Variants in DHX37 observed in about 807,000 individuals in gnomAD.
DHX37 encodes probable ATP-dependent RNA helicase DHX37.
A neutral mutation model predicts 134.3 loss-of-function variants in DHX37; 52 were observed. The ratio of observed to expected loss-of-function variants is 0.39; its 90% CI spans 0.31 to 0.49. DHX37 has a LOEUF of 0.49. DHX37 is among the 20% of genes least tolerant of loss of function. DHX37 has a pLI of 0.93. For missense variants in DHX37, 1,344 were observed against 1,580.8 expected (o/e 0.85, Z 2.54); for synonymous variants, 634 against 670.7 (o/e 0.95, Z 0.85).
At chr12:124,967,877 C>T (rs1019648058) in intron 10 of DHX37, among the ~76,000 whole-genome samples, 4 of 151,868 alleles carry the variant, frequency 2.6e-5, no homozygotes, top group Admixed American at 2.0e-4. Context: ...GAGACCAGCC[C>T]GGCCAACATG....
chr12:124,972,749 C>T (rs1954546822), intron 6 of DHX37, 150 bp from the exon 7 acceptor site: 1 of 681,160 alleles, frequency 1.5e-6, no homozygotes, highest in Non-Finnish European at 2.5e-6. Flanking sequence ...TCTCCCCAGT[C>T]CACTCTCCCC....
chr12:124,977,526 A>G (rs1954671725), intron 4 of DHX37, 36 bp from the exon 5 acceptor site: 1 of 1,566,722 alleles, frequency 6.4e-7, no homozygotes, highest in Non-Finnish European at 8.6e-7. Flanking sequence ...AGGGAGCAGC[A>G]AGACTATAGA....
intron 10 of DHX37, among the ~76,000 whole-genome samples, chr12:124,967,701 G>A (rs1454177144): frequency 6.6e-6 from 1 of 152,170 alleles, no homozygotes; most frequent in Non-Finnish European, 1.5e-5. Context: ...CAAGCTTGTT[G>A]GGAAGCACCC....
chr12:124,974,146 G>A (rs184392624), intron 6 of DHX37, among the ~76,000 whole-genome samples: 131 of 147,988 alleles, frequency 8.9e-4, no homozygotes, highest in African/African-American at 3.1e-3. Context: ...TCAAGAGATG[G>A]GGTTTCACCG....
At chr12:124,978,141 A>C (rs926727084) in intron 4 of DHX37, among the ~76,000 whole-genome samples, 1 of 151,448 alleles carries the variant, frequency 6.6e-6, no homozygotes, top group African/African-American at 2.4e-5. Context: ...TTGTATTTTT[A>C]GTGGAAATGT....
Position 124,947,479 on chromosome 12 carries a change from A to C in DHX37, c.*323T>G. ...GCAGGGCGGGCGGGGAAGGGACTGC[A>C]GAGATCTCCAGCCCTGCTGCTCCAC... On this transcript the variant is annotated 3_prime_UTR_variant, in exon 27 of 27. Transcript: ENST00000308736. 1.2e-5 allele frequency: 3 copies of C among 243,460 alleles called. No individual in the cohort carries two copies. Among genetic ancestry groups the C allele is most frequent in the Non-Finnish European group, 1.6e-5 (2 of 127,316 alleles). 15.1% of individuals were successfully genotyped at this position (243,460 alleles called of 1,614,324 possible).
chr12:124,978,319 T>C (rs1357614902), intron 4 of DHX37, among the ~76,000 whole-genome samples: 1 of 151,688 alleles, frequency 6.6e-6, no homozygotes, highest in Non-Finnish European at 1.5e-5. Context: ...CCACTTGTTG[T>C]ATTTATTTAC....
intron 15 of DHX37, among the ~76,000 whole-genome samples, chr12:124,961,228 G>GCA (rs1206361874): frequency 9.7e-6 from 1 of 102,620 alleles, no homozygotes; most frequent in African/African-American, 6.1e-5. Context: ...GCACACGCAC[G>GCA]CACACACACA....
At chr12:124,961,273 T>TGCAC (rs200830869) in intron 15 of DHX37, among the ~76,000 whole-genome samples, 4,439 of 102,618 alleles carry the variant, frequency 0.043, 209 homozygotes, top group African/African-American at 0.16. Context: ...CATACACGCG[T>TGCAC]GCACGCACAC....
chr12:124,984,910 A>G (rs536045698), intron 2 of DHX37, among the ~76,000 whole-genome samples: 1 of 152,206 alleles, frequency 6.6e-6, no homozygotes, highest in South Asian at 2.1e-4. Flanking sequence ...AAGGATCTCA[A>G]GATGAGATGA....
chr12:124,956,923 G>A (rs1954109704), intron 17 of DHX37, 44 bp from the exon 18 acceptor site: 1 of 1,550,388 alleles, frequency 6.4e-7, no homozygotes, highest in African/African-American at 1.4e-5. Flanking sequence ...GAGGAGCTCT[G>A]GAGCCACAGC....
intron 4 of DHX37, 158 bp from the exon 5 acceptor site, chr12:124,977,648 A>G (rs1238187749): frequency 6.8e-6 from 3 of 439,458 alleles, no homozygotes; most frequent in Non-Finnish European, 9.0e-6. Context: ...GCCATGGTCC[A>G]GGAGAGACAG....
intron 25 of DHX37, 66 bp from the exon 26 acceptor site, chr12:124,948,247 C>T (rs751000431): frequency 1.2e-5 from 18 of 1,557,692 alleles, no homozygotes; most frequent in South Asian, 7.1e-5. Context: ...GCTGGGGGCC[C>T]GAAAGCAGGG....
At chr12:124,961,235 C>T (rs545800827) in intron 15 of DHX37, among the ~76,000 whole-genome samples, 6 of 141,574 alleles carry the variant, frequency 4.2e-5, no homozygotes, top group East Asian at 4.4e-4. Context: ...CACGCACACA[C>T]ACATACACGC....
At position 124,965,682 on chromosome 12, in the gene DHX37, C is replaced by G. The variant is rs1954370086; in HGVS notation, c.1721G>C (p.Gly574Ala). The change falls in exon 13 of 27, where the codon GGC becomes GCC. Residue 574 changes from glycine (G) to alanine (A), a missense_variant. Coordinates refer to ENST00000308736, the MANE Select transcript of DHX37 (RefSeq NM_032656.4). ...DSDLDLDLGD[G>A]GQDGGEQPDA... ...TCGGGCCACACCTCCATCTTGCCCG[C>G]CATCCCCCAGGTCCAGATCGAGGTC... The G allele has an allele frequency of 6.2e-7, 1 of 1,608,784 alleles. No homozygotes were observed. The highest frequency in any genetic ancestry group is 1.3e-5 in the African/African-American group (1 of 74,984).
intron 16 of DHX37, among the ~76,000 whole-genome samples, chr12:124,959,172 C>T (rs1470484143): frequency 6.7e-6 from 1 of 149,804 alleles, no homozygotes; most frequent in African/African-American, 2.5e-5. Context: ...CTCCCGGGTT[C>T]AAGTGATTAT....
At position 124,989,083 on chromosome 12, in the gene DHX37, C is replaced by G; in HGVS notation, c.-61G>C. 2 of 1,159,410 alleles carry G rather than the reference C, an allele frequency of 1.7e-6. No individual in the cohort carries two copies. The highest frequency in any genetic ancestry group is 2.2e-6 in the Non-Finnish European group (2 of 903,872). The allele number at this position is 1,159,410 out of a possible 1,614,324, so 71.8% of individuals were successfully genotyped here. ...ACCAGCAGAGCAATCCGAAACCCAGCCCACGTGGGTTCCCAGACCACCAAC... is the reference window on the plus strand; with the variant it reads ...ACCAGCAGAGCAATCCGAAACCCAGGCCACGTGGGTTCCCAGACCACCAAC... On this transcript the variant is annotated 5_prime_UTR_variant, in exon 1 of 27. Transcript: ENST00000308736.
intron 12 of DHX37, among the ~76,000 whole-genome samples, chr12:124,966,305 T>TGATC (rs1252060227): frequency 6.6e-6 from 1 of 152,184 alleles, no homozygotes; most frequent in African/African-American, 2.4e-5. Flanking sequence ...TGACCTCAGG[T>TGATC]GATCCACCTG....
chr12:124,948,248 G>T (rs550268872), intron 25 of DHX37, 67 bp from the exon 26 acceptor site: 3 of 1,555,686 alleles, frequency 1.9e-6, no homozygotes, highest in Non-Finnish European at 2.6e-6. Flanking sequence ...CTGGGGGCCC[G>T]AAAGCAGGGC....
Sources: allele counts gnomAD v4.1 joint callset (sites outside exome capture counted in the v4.1 genomes callset), GRCh38; gene constraint gnomAD v4.1.1; transcripts MANE v1.5; gene names NCBI Gene and HGNC (gene_info 2026-07-23, HGNC 2026-07-21).